LYRM4: variants seen among roughly 807,000 people sequenced by gnomAD.
The protein encoded by LYRM4 is LYR motif-containing protein 4.
LYRM4 carries 9 observed loss-of-function variants against 11.7 expected under a neutral mutation model. That is an observed-to-expected ratio of 0.77 (90% confidence interval 0.46 to 1.34). LYRM4 has a LOEUF of 1.34. Among genes scored for constraint, LYRM4 ranks in the 40% most tolerant of loss-of-function variants. LYRM4 has a pLI of 0.00. For synonymous variants in LYRM4, 42 were observed against 40.4 expected (o/e 1.04, Z -0.15); for missense variants, 133 against 112.5 (o/e 1.18, Z -0.82).
the LYRM4 span, chr6:5,086,870 G>A: frequency 7.4e-6 from 3 of 407,486 alleles, no homozygotes; most frequent in East Asian, 1.3e-4. Flanking sequence ...AAGGCCCGGA[G>A]CAGCTGCCTC....
At chr6:5,093,699 G>A in the LYRM4 span, among the ~76,000 whole-genome samples, 11 of 152,354 alleles carry the variant, frequency 7.2e-5, no homozygotes, top group South Asian at 1.5e-3. Context: ...GTAGGCACAC[G>A]CATGAGAGGC....
At position 5,229,449 on chromosome 6, in the gene LYRM4, G is replaced by T. The variant is rs114358609; in HGVS notation, c.87-12711C>A. Among the ~76,000 whole-genome samples, 638 of 152,276 alleles carry T rather than the reference G, an allele frequency of 4.2e-3. 3 individuals are homozygous for T. The highest frequency in any genetic ancestry group is 4.7e-3 in the Non-Finnish European group (321 of 68,026). On this transcript the variant is annotated intron_variant, in intron 1 of 2. Transcript: ENST00000330636. ...TGATTACATCCACAGGTGCAGTTTT[G>T]ACAGATGGGTGCAACATAAGGGCAA... is the stretch of plus-strand genomic sequence containing the variant.
At chr6:5,252,080 A>G (rs1215540424) in intron 1 of LYRM4, among the ~76,000 whole-genome samples, 1 of 152,208 alleles carries the variant, frequency 6.6e-6, no homozygotes, top group Admixed American at 6.5e-5. Flanking sequence ...GTTGATCAGC[A>G]CTTAGGTTGA....
chr6:5,224,043 A>G lies in LYRM4; in HGVS notation c.87-7305T>C, dbSNP rs78404326. ...ACTCCGGCCATCCTGGAAGACTTGCAGTCTCCCTGGTTTTCTCTCCTGGAG... is the reference window on the plus strand; with the variant it reads ...ACTCCGGCCATCCTGGAAGACTTGCGGTCTCCCTGGTTTTCTCTCCTGGAG... On this transcript the variant is annotated intron_variant, in intron 1 of 2. Transcript: ENST00000330636. Among the ~76,000 whole-genome samples the G allele has an allele frequency of 6.0e-3, 916 of 152,324 alleles. 11 individuals carry two copies. The highest frequency in any genetic ancestry group is 0.043 in the South Asian group (209 of 4,832).
At chr6:5,235,518 GCTTAT>G (rs1255229642) in intron 1 of LYRM4, among the ~76,000 whole-genome samples, 1 of 151,972 alleles carries the variant, frequency 6.6e-6, no homozygotes. Flanking sequence ...CTAATCACAT[GCTTAT>G]CTTTTCTTCA....
chr6:5,177,686 A>G lies in LYRM4; in HGVS notation c.207+38932T>C, dbSNP rs138578819. ...ACCAGGTTATTTCCGTGACTAATAAAAAAATCCAACTAGAGTCACAAGATG... is the reference window on the plus strand; with the variant it reads ...ACCAGGTTATTTCCGTGACTAATAAGAAAATCCAACTAGAGTCACAAGATG... On this transcript the variant is annotated intron_variant, in intron 2 of 2. Coordinates refer to ENST00000330636, the MANE Select transcript of LYRM4 (RefSeq NM_020408.6). Among the ~76,000 whole-genome samples the G allele has an allele frequency of 1.5e-3, 233 of 152,366 alleles. 1 individual carries two copies. Among genetic ancestry groups the G allele is most frequent in the Middle Eastern group, 6.8e-3 (2 of 294 alleles).
At chr6:5,146,537 C>T (rs1757735390) in intron 2 of LYRM4, among the ~76,000 whole-genome samples, 1 of 152,160 alleles carries the variant, frequency 6.6e-6, no homozygotes, top group African/African-American at 2.4e-5. Flanking sequence ...CACTCAGTGG[C>T]CCACTCCACA....
At chr6:5,131,346 T>C (rs979603047) in intron 2 of LYRM4, among the ~76,000 whole-genome samples, 2 of 152,118 alleles carry the variant, frequency 1.3e-5, no homozygotes, top group African/African-American at 4.8e-5. Context: ...CACAGAGAAT[T>C]TGAATAATAC....
chr6:5,225,789 T>C (rs1762856753), intron 1 of LYRM4, among the ~76,000 whole-genome samples: 3 of 152,232 alleles, frequency 2.0e-5, no homozygotes, highest in African/African-American at 7.2e-5. Flanking sequence ...AAATTATACA[T>C]TATAAGGCTG....
intron 2 of LYRM4, among the ~76,000 whole-genome samples, chr6:5,134,614 C>T (rs971555258): frequency 6.6e-6 from 1 of 152,164 alleles, no homozygotes; most frequent in African/African-American, 2.4e-5. Context: ...CACAGTTTCT[C>T]AAAACAATAC....
At chr6:5,042,254 A>G in the LYRM4 span, among the ~76,000 whole-genome samples, 111,026 of 152,094 alleles carry the variant, frequency 0.73, 41,309 homozygotes, top group East Asian at 0.95. Context: ...AATCCAACCT[A>G]ATTTTTTTTA....
At chr6:5,158,249 T>TA (rs940470551) in intron 2 of LYRM4, among the ~76,000 whole-genome samples, 3 of 152,102 alleles carry the variant, frequency 2.0e-5, no homozygotes, top group African/African-American at 7.2e-5. Context: ...GATATAAGAG[T>TA]AATTAAGCAG....
intron 2 of LYRM4, among the ~76,000 whole-genome samples, chr6:5,158,284 T>A (rs897342504): frequency 1.3e-5 from 2 of 152,148 alleles, no homozygotes; most frequent in African/African-American, 4.8e-5. Context: ...TCAAGAAGCA[T>A]AAACAAACAG....
intron 2 of LYRM4, among the ~76,000 whole-genome samples, chr6:5,141,748 C>T (rs1049449492): frequency 1.3e-5 from 2 of 152,216 alleles, no homozygotes; most frequent in Non-Finnish European, 2.9e-5. Flanking sequence ...TTTTACCCCC[C>T]CACCAAACTG....
chr6:5,244,790 C>T (rs1764065005), intron 1 of LYRM4, among the ~76,000 whole-genome samples: 1 of 151,586 alleles, frequency 6.6e-6, no homozygotes, highest in Non-Finnish European at 1.5e-5. Context: ...CACAAAGGGC[C>T]CATCTGCGCT....
At chr6:5,081,716 T>A in the LYRM4 span, among the ~76,000 whole-genome samples, 2 of 152,256 alleles carry the variant, frequency 1.3e-5, no homozygotes, top group African/African-American at 4.8e-5. Flanking sequence ...ATTACTTACA[T>A]TGTTAGTGTT....
chr6:5,044,116 GT>G, the LYRM4 span, among the ~76,000 whole-genome samples: 9 of 151,154 alleles, frequency 6.0e-5, no homozygotes, highest in Admixed American at 2.6e-4. Context: ...TTTTTGTGGG[GT>G]TTTTTTTGTT....
chr6:5,129,702 C>G (rs1763859981), intron 2 of LYRM4, among the ~76,000 whole-genome samples: 1 of 152,130 alleles, frequency 6.6e-6, no homozygotes, highest in Non-Finnish European at 1.5e-5. Flanking sequence ...ATGTGGACGC[C>G]TTTGGGGGCC....
chr6:5,245,159 T>TAA (rs1764135610), intron 1 of LYRM4, among the ~76,000 whole-genome samples: 7 of 75,282 alleles, frequency 9.3e-5, no homozygotes, highest in African/African-American at 3.4e-4. Context: ...TATATATATA[T>TAA]ATATAAAATA....
Sources: gnomAD v4.1 joint callset for allele counts (sites outside exome capture counted in the v4.1 genomes callset) on GRCh38, gnomAD v4.1.1 for gene constraint, MANE v1.5 for transcripts, NCBI Gene and HGNC (gene_info 2026-07-23, HGNC 2026-07-21) for gene names.